The following SLIT3 variants were observed in gnomAD, a reference collection of about 807,000 sequenced individuals.
SLIT3 encodes the protein slit guidance ligand 3, also known as slit homolog 3 protein.
Under a neutral mutation model 184.0 loss-of-function variants are expected in SLIT3, and 68 were observed. That is an observed-to-expected ratio of 0.37 (90% confidence interval 0.30 to 0.45). The LOEUF (loss-of-function observed/expected upper bound fraction) is 0.45. Ranked by LOEUF, SLIT3 falls within the 20% of genes least tolerant of loss-of-function variation. The pLI, the probability that SLIT3 is intolerant of heterozygous loss-of-function variation, is 1.00. For missense variants in SLIT3, 1,707 were observed against 2,026.0 expected (o/e 0.84, Z 3.02); for synonymous variants, 831 against 828.6 (o/e 1.00, Z -0.05).
Position 168,755,504 on chromosome 5 carries a change from G to A in SLIT3, c.1686-1497C>T, listed in dbSNP as rs111511103. On this transcript the variant is annotated intron_variant, in intron 16 of 35. Coordinates refer to ENST00000519560, the MANE Select transcript of SLIT3 (RefSeq NM_003062.4). ...GGCTAGAGAGCAATGGCGCAATCTT[G>A]GCTCACTGCAGCCTCTGCCCCCAGG... Among the ~76,000 whole-genome samples the A allele has an allele frequency of 5.6e-4, 85 of 150,648 alleles. 1 individual carries two copies. The highest frequency in any genetic ancestry group is 1.8e-3 in the African/African-American group (75 of 41,290).
chr5:169,004,929 T>A (rs1382689310), intron 4 of SLIT3, among the ~76,000 whole-genome samples: 1 of 152,168 alleles, frequency 6.6e-6, no homozygotes, highest in Non-Finnish European at 1.5e-5. Context: ...AAAATAAGTG[T>A]CTGCTGTCTA....
intron 4 of SLIT3, among the ~76,000 whole-genome samples, chr5:168,998,226 G>A (rs1180712237): frequency 6.6e-6 from 1 of 152,134 alleles, no homozygotes; most frequent in Non-Finnish European, 1.5e-5. Flanking sequence ...AAACACATCC[G>A]TTTCATCCCT....
chr5:169,024,258 A>G (rs1241898022), intron 4 of SLIT3: 1 of 152,226 alleles, frequency 6.6e-6, no homozygotes, highest in Non-Finnish European at 1.5e-5. Context: ...TGAAGGGGAT[A>G]AGATGACGTT....
At chr5:169,190,449 CTT>C (rs1763516377) in intron 4 of SLIT3, among the ~76,000 whole-genome samples, 1 of 152,222 alleles carries the variant, frequency 6.6e-6, no homozygotes, top group African/African-American at 2.4e-5. Context: ...TATATTGCCT[CTT>C]TGGGCTAAAC....
chr5:169,032,499 T>C (rs1298145000), intron 4 of SLIT3, among the ~76,000 whole-genome samples: 3 of 146,342 alleles, frequency 2.0e-5, no homozygotes, highest in Non-Finnish European at 4.5e-5. Context: ...TACTCACTTA[T>C]GTGCCAGTCA....
chr5:169,166,252 C>T (rs1762635248), intron 4 of SLIT3, among the ~76,000 whole-genome samples: 1 of 152,150 alleles, frequency 6.6e-6, no homozygotes, highest in South Asian at 2.1e-4. Context: ...TCATGCTGGG[C>T]TAGAGAATCG....
chr5:169,240,770 TTGTC>T (rs1581092897), intron 3 of SLIT3, among the ~76,000 whole-genome samples: 2 of 151,658 alleles, frequency 1.3e-5, no homozygotes, highest in Admixed American at 1.3e-4. Flanking sequence ...TTTCTGTTTG[TTGTC>T]TATTTGTTCT....
intron 1 of SLIT3, among the ~76,000 whole-genome samples, chr5:169,258,353 G>A (rs981869988): frequency 2.6e-5 from 4 of 152,252 alleles, no homozygotes; most frequent in East Asian, 1.9e-4. Flanking sequence ...CCGTGCCTTG[G>A]AGAAAAACAA....
At chr5:168,858,217 C>T (rs560816359) in intron 5 of SLIT3, among the ~76,000 whole-genome samples, 6 of 152,334 alleles carry the variant, frequency 3.9e-5, no homozygotes, top group East Asian at 1.9e-4. Context: ...AAGCCATCCC[C>T]GGGGATAGTC....
At position 169,083,079 on chromosome 5, in the gene SLIT3, G is replaced by T. The variant is rs575654993; in HGVS notation, c.413+110400C>A. ...AGAATTTGGTCTTAGTTGCTGGTGA[G>T]AAGAAACATCATTACTCAACACAGT... On this transcript the variant is annotated intron_variant, in intron 4 of 35. Coordinates refer to ENST00000519560, the MANE Select transcript of SLIT3 (RefSeq NM_003062.4). 1.1e-4 allele frequency among the ~76,000 whole-genome samples: 16 copies of T among 152,304 alleles called. No homozygotes were observed. In the East Asian group the frequency reaches 2.5e-3, roughly 24 times the overall value.
At chr5:168,951,953 T>C (rs1762662493) in intron 4 of SLIT3, among the ~76,000 whole-genome samples, 1 of 152,150 alleles carries the variant, frequency 6.6e-6, no homozygotes, top group Admixed American at 6.5e-5. Context: ...GGAAGGTCAC[T>C]CTGACTTCCC....
intron 4 of SLIT3, among the ~76,000 whole-genome samples, chr5:169,067,708 A>C (rs1300334820): frequency 6.6e-6 from 1 of 152,114 alleles, no homozygotes; most frequent in Non-Finnish European, 1.5e-5. Context: ...GAGGAGTGAA[A>C]TGGAGGGTGT....
At chr5:168,759,670 G>A (rs911875740) in intron 16 of SLIT3, among the ~76,000 whole-genome samples, 1 of 152,210 alleles carries the variant, frequency 6.6e-6, no homozygotes, top group South Asian at 2.1e-4. Flanking sequence ...GGGTGTGGGT[G>A]ACTCTGTTTT....
intron 6 of SLIT3, among the ~76,000 whole-genome samples, chr5:168,827,167 C>T (rs1757733148): frequency 6.6e-6 from 1 of 152,192 alleles, no homozygotes; most frequent in Admixed American, 6.5e-5. Flanking sequence ...GATTTGAGTC[C>T]AAGCAAGACT....
intron 20 of SLIT3, among the ~76,000 whole-genome samples, chr5:168,745,442 C>T (rs1763770357): frequency 6.6e-6 from 1 of 151,078 alleles, no homozygotes; most frequent in Non-Finnish European, 1.5e-5. Flanking sequence ...GACAGAGTCT[C>T]ACTTTATTGC....
At chr5:168,756,846 A>G (rs1472924947) in intron 16 of SLIT3, among the ~76,000 whole-genome samples, 1 of 152,218 alleles carries the variant, frequency 6.6e-6, no homozygotes, top group Non-Finnish European at 1.5e-5. Context: ...TAAAGCAGCT[A>G]TGAAGTGGGA....
chr5:169,239,327 T>A (rs1765313454), intron 3 of SLIT3, among the ~76,000 whole-genome samples: 1 of 152,194 alleles, frequency 6.6e-6, no homozygotes, highest in Non-Finnish European at 1.5e-5. Context: ...CTGGGTTTTG[T>A]TCTCAAGGTT....
intron 15 of SLIT3, among the ~76,000 whole-genome samples, chr5:168,761,319 C>A (rs1392774767): frequency 1.3e-5 from 2 of 152,034 alleles, no homozygotes; most frequent in African/African-American, 4.8e-5. Flanking sequence ...CCCTTCAGCT[C>A]CTTCCTAAGC....
intron 4 of SLIT3, among the ~76,000 whole-genome samples, chr5:168,934,979 A>G (rs542337966): frequency 6.6e-5 from 10 of 150,744 alleles, no homozygotes; most frequent in African/African-American, 2.4e-4. Context: ...AAAAAAAAAA[A>G]AAACAAAAAT....
Sources: allele counts gnomAD v4.1 joint callset (sites outside exome capture counted in the v4.1 genomes callset), GRCh38; gene constraint gnomAD v4.1.1; transcripts MANE v1.5; gene names NCBI Gene and HGNC (gene_info 2026-07-23, HGNC 2026-07-21).